The following PCDHA7 variants were observed in gnomAD, a reference collection of about 807,000 sequenced individuals.
PCDHA7 encodes the protein protocadherin alpha-7.
PCDHA7 carries 37 observed loss-of-function variants against 57.2 expected under a neutral mutation model. The observed-to-expected ratio is 0.65, with a 90% CI of 0.50 to 0.85. PCDHA7 has a LOEUF of 0.85. Among genes scored for constraint, PCDHA7 ranks in the 40% least tolerant of loss-of-function variants. The pLI is 0.00. For synonymous variants in PCDHA7, 553 were observed against 558.8 expected (o/e 0.99, Z 0.15); for missense variants, 1,188 against 1,241.8 (o/e 0.96, Z 0.65).
At chr5:140,904,091 C>A (rs536225769) in intron 1 of PCDHA7, among the ~76,000 whole-genome samples, 16 of 152,082 alleles carry the variant, frequency 1.1e-4, no homozygotes, top group Non-Finnish European at 1.8e-4. Flanking sequence ...ACATGAATAA[C>A]TACTTTAGTG....
At position 140,849,753 on chromosome 5, in the gene PCDHA7, G is replaced by A. The variant is rs1294538786; in HGVS notation, c.2355+13015G>A. 17 of 1,598,282 alleles carry A rather than the reference G, an allele frequency of 1.1e-5. 1 individual carries two copies. Among genetic ancestry groups the A allele is most frequent in the Non-Finnish European group, 1.4e-5 (16 of 1,167,970 alleles). ...AGCTCTGGACCGCGAGAGTGTGTCC[G>A]CCTACGAGCTGGTGGTTACCGCGCG... On this transcript the variant is annotated intron_variant, in intron 1 of 3. Coordinates refer to ENST00000525929, the MANE Select transcript of PCDHA7 (RefSeq NM_018910.3).
intron 1 of PCDHA7, among the ~76,000 whole-genome samples, chr5:140,840,298 T>C (rs1378373140): frequency 6.6e-6 from 1 of 152,042 alleles, no homozygotes; most frequent in African/African-American, 2.4e-5. Context: ...ATTGATTAGA[T>C]ATTCTTTTAA....
At chr5:141,007,448 G>A (rs555583994) in intron 3 of PCDHA7, among the ~76,000 whole-genome samples, 2 of 150,352 alleles carry the variant, frequency 1.3e-5, no homozygotes, top group African/African-American at 4.9e-5. Context: ...TGTGCCTGTA[G>A]TCCCAGCTAC....
chr5:141,007,653 C>T (rs373127730), intron 3 of PCDHA7, among the ~76,000 whole-genome samples: 1 of 152,126 alleles, frequency 6.6e-6, no homozygotes, highest in African/African-American at 2.4e-5. Context: ...GCCTAAAAAA[C>T]CATAAATTTA....
intron 1 of PCDHA7, chr5:140,877,080 C>A (rs113692468): frequency 9.9e-6 from 16 of 1,612,944 alleles, no homozygotes; most frequent in Non-Finnish European, 1.4e-5. Flanking sequence ...TCCAGGTGAG[C>A]GCGCGCGACG....
At position 140,966,247 on chromosome 5, in the gene PCDHA7, A is replaced by G. The variant is rs145363912; in HGVS notation, c.2356-12702A>G. 739 of 318,152 alleles carry G rather than the reference A, an allele frequency of 2.3e-3. 16 individuals are homozygous for G. In the Admixed American group the frequency reaches 0.033, roughly 14 times the overall value. 19.7% of individuals were successfully genotyped at this position (318,152 alleles called of 1,614,324 possible). On this transcript the variant is annotated intron_variant, in intron 1 of 3. Coordinates refer to ENST00000525929, the MANE Select transcript of PCDHA7 (RefSeq NM_018910.3). ...TCCTTAAAGACCCGTTAAGCAGGGGAGAGACGGTGGAGACTGGATGAACTG... is the reference window on the plus strand; with the variant it reads ...TCCTTAAAGACCCGTTAAGCAGGGGGGAGACGGTGGAGACTGGATGAACTG...
At chr5:140,924,480 T>C (rs2081865040) in intron 1 of PCDHA7, among the ~76,000 whole-genome samples, 1 of 152,178 alleles carries the variant, frequency 6.6e-6, no homozygotes, top group Non-Finnish European at 1.5e-5. Flanking sequence ...TGGTTTTTAG[T>C]GGAACACTGG....
chr5:140,866,149 T>C (rs1554160036), intron 1 of PCDHA7: 1 of 152,130 alleles, frequency 6.6e-6, no homozygotes, highest in Non-Finnish European at 1.5e-5. Flanking sequence ...GGAAGTGATA[T>C]AAGTAAGAAT....
At chr5:140,970,135 G>C (rs1317802980) in intron 1 of PCDHA7, among the ~76,000 whole-genome samples, 1 of 152,016 alleles carries the variant, frequency 6.6e-6, no homozygotes, top group Non-Finnish European at 1.5e-5. Context: ...GAAGAGAAGG[G>C]AAAAAGAATT....
In PCDHA7 at chr5:140,891,714, A is replaced by T. The variant is rs147881763; in HGVS notation, c.2355+54976A>T. On this transcript the variant is annotated intron_variant, in intron 1 of 3. Transcript: ENST00000525929. ...GCTGTTGTCTGAATTTGTACCCCCA[A>T]ATTCATGTGTTGAAAATTCAATCCC... Among the ~76,000 whole-genome samples the T allele has an allele frequency of 2.6e-5, 4 of 152,262 alleles. No individual in the cohort carries two copies. In the East Asian group the frequency reaches 5.8e-4, roughly 22 times the overall value.
chr5:140,936,771 C>G (rs182480245), intron 1 of PCDHA7, among the ~76,000 whole-genome samples: 2 of 152,230 alleles, frequency 1.3e-5, no homozygotes, highest in South Asian at 4.1e-4. Flanking sequence ...TGTGTAAGTT[C>G]TCTCACTTTG....
intron 1 of PCDHA7, among the ~76,000 whole-genome samples, chr5:140,846,095 G>A (rs2150384472): frequency 6.7e-5 from 10 of 149,712 alleles, no homozygotes; most frequent in African/African-American, 2.4e-4. Context: ...GTCCTTCCAA[G>A]GAATGTGTAG....
At chr5:140,958,264 A>G (rs2153717297) in intron 1 of PCDHA7, among the ~76,000 whole-genome samples, 1 of 152,230 alleles carries the variant, frequency 6.6e-6, no homozygotes, top group Admixed American at 6.5e-5. Flanking sequence ...TTAATTTGGT[A>G]CAAGAAGTAT....
intron 3 of PCDHA7, 102 bp downstream of exon 3, chr5:140,982,665 A>G (rs1318068299): frequency 2.0e-6 from 3 of 1,465,204 alleles, no homozygotes; most frequent in Middle Eastern, 2.1e-4. Context: ...TTTCTTTTAT[A>G]TTTTTGTTAT....
chr5:140,981,252 T>C (rs1482350756), intron 2 of PCDHA7, among the ~76,000 whole-genome samples: 1 of 152,240 alleles, frequency 6.6e-6, no homozygotes, highest in African/African-American at 2.4e-5. Context: ...GAAATTTAAC[T>C]TTCAAGATAA....
chr5:140,883,674 C>T (rs782029001), intron 1 of PCDHA7: 5 of 1,613,738 alleles, frequency 3.1e-6, no homozygotes, highest in African/African-American at 2.7e-5. Flanking sequence ...GAAAACAATC[C>T]GCCGGGCTGC....
rs543488933 is a variant in PCDHA7, at chr5:140,915,492, A to G, written c.2356-63457A>G. The stretch of plus-strand genomic sequence containing the variant: ...TGAAGGAGCTTGGGCCTCAATCCCA[A>G]TAATACTGTGGTTTTTGCAGACTAG... On this transcript the variant is annotated intron_variant, in intron 1 of 3. Coordinates refer to ENST00000525929, the MANE Select transcript of PCDHA7 (RefSeq NM_018910.3). 2.0e-5 allele frequency among the ~76,000 whole-genome samples: 3 copies of G among 152,232 alleles called. No homozygotes were observed. The South Asian group carries it at 6.2e-4, about 32-fold the overall frequency.
rs782417854 is a variant in PCDHA7 at position 140,967,777 on chromosome 5, G to T, written c.2356-11172G>T. On this transcript the variant is annotated intron_variant, in intron 1 of 3. Transcript: ENST00000525929. The stretch of plus-strand genomic sequence containing the variant: ...CCTCCTACCAGATCTATGTGCAGGC[G>T]ACTGACCGGGGTCCAGTGCCCATGG... 2.5e-6 allele frequency: 4 copies of T among 1,614,186 alleles called. No individual in the cohort carries two copies. The South Asian group carries it at 4.4e-5, about 18-fold the overall frequency.
At chr5:140,890,968 T>C (rs559851253) in intron 1 of PCDHA7, among the ~76,000 whole-genome samples, 7 of 152,190 alleles carry the variant, frequency 4.6e-5, no homozygotes, top group African/African-American at 7.2e-5. Flanking sequence ...AGGTTTTGTT[T>C]TTCTGAAAAT....
Sources: allele counts gnomAD v4.1 joint callset (sites outside exome capture counted in the v4.1 genomes callset), GRCh38; gene constraint gnomAD v4.1.1; transcripts MANE v1.5; gene names NCBI Gene and HGNC (gene_info 2026-07-23, HGNC 2026-07-21).